Variants in PCDHA3 observed in about 807,000 individuals in gnomAD.
The protein encoded by PCDHA3 is protocadherin alpha 3, also known as protocadherin alpha-3.
Under a neutral mutation model 62.2 loss-of-function variants are expected in PCDHA3, and 41 were observed. That is an observed-to-expected ratio of 0.66 (90% CI 0.51 to 0.86). The LOEUF (loss-of-function observed/expected upper bound fraction) is 0.86. Among genes scored for constraint, PCDHA3 ranks in the 40% least tolerant of loss-of-function variants. The pLI is 0.00. For missense variants in PCDHA3, 1,304 were observed against 1,241.2 expected, an observed-to-expected ratio of 1.05 and a Z score of -0.76; for synonymous variants, 640 against 555.4, an observed-to-expected ratio of 1.15 and a Z score of -2.14.
chr5:140,834,254 G>A, intron 1 of PCDHA3: 1 of 927,246 alleles, frequency 1.1e-6, no homozygotes, highest in Non-Finnish European at 1.6e-6. Flanking sequence ...CTGGAAAGAC[G>A]CTCCACTCTC....
chr5:140,966,837 T>C, intron 1 of PCDHA3: 1 of 1,566,152 alleles, frequency 6.4e-7, no homozygotes. Context: ...CCCTGGCTGC[T>C]GCTACTGCCT....
At chr5:140,990,354 G>GA (rs1554251439) in intron 3 of PCDHA3, among the ~76,000 whole-genome samples, 1 of 152,158 alleles carries the variant, frequency 6.6e-6, no homozygotes, top group Non-Finnish European at 1.5e-5. Context: ...GCCCTGTACA[G>GA]AAAATCTAAT....
chr5:140,983,239 C>CCTGCTAAGTTGTGTAAAAAA (rs1261909895), intron 3 of PCDHA3, among the ~76,000 whole-genome samples: 1 of 152,176 alleles, frequency 6.6e-6, no homozygotes, highest in Non-Finnish European at 1.5e-5. Flanking sequence ...GGAAAGAGAA[C>CCTGCTAAGTTGTGTAAAAAA]CTGCTAAGTT....
At chr5:140,847,990 T>C (rs1781276116) in intron 1 of PCDHA3, 1 of 156,442 alleles carries the variant, frequency 6.4e-6, no homozygotes, top group South Asian at 1.8e-4. Flanking sequence ...AGATTCTGAA[T>C]TCCAGAACAA....
rs114930676 is a variant in PCDHA3 at position 140,999,076 on chromosome 5, C to G, written c.2543-10551C>G. ...CATGCCTAAGTAGTCTCCTTCACTT[C>G]CTCCTTCAGAGGGCTATGGAGAGTA... On this transcript the variant is annotated intron_variant, in intron 3 of 3. Transcript: ENST00000522353. Among the ~76,000 whole-genome samples the G allele has an allele frequency of 3.3e-3, 503 of 152,332 alleles. 4 individuals are homozygous for G. The highest frequency in any genetic ancestry group is 0.011 in the African/African-American group (469 of 41,568).
chr5:140,997,785 A>G (rs537383326), intron 3 of PCDHA3, among the ~76,000 whole-genome samples: 2 of 152,218 alleles, frequency 1.3e-5, no homozygotes, highest in Admixed American at 1.3e-4. Flanking sequence ...GTATACCTAT[A>G]TTATAATTTA....
At chr5:140,927,596 G>C in intron 1 of PCDHA3, 3 of 1,614,162 alleles carry the variant, frequency 1.9e-6, no homozygotes, top group Non-Finnish European at 2.5e-6. Flanking sequence ...GTATTTGAGC[G>C]CTCCGTATAC....
At chr5:140,822,061 C>T in intron 1 of PCDHA3, 1 of 1,614,168 alleles carries the variant, frequency 6.2e-7, no homozygotes. Context: ...GGAGCTGTGC[C>T]GGCGGAGGGC....
At chr5:140,838,077 AGTGTGTGTGTGTGTGTGTGTGTGTGT>A (rs57130401) in intron 1 of PCDHA3, among the ~76,000 whole-genome samples, 3 of 80,664 alleles carry the variant, frequency 3.7e-5, no homozygotes, top group South Asian at 4.3e-4. Context: ...ATATATATAT[AGTGTGTGTGTGTGTGTGTGTGTGTGT>A]GTGTGTGTGT....
At chr5:140,979,966 A>G (rs1029035910) in intron 2 of PCDHA3, among the ~76,000 whole-genome samples, 7 of 152,258 alleles carry the variant, frequency 4.6e-5, no homozygotes, top group Non-Finnish European at 7.3e-5. Context: ...TTAGCCCATT[A>G]AAATGCATTA....
At position 141,010,166 on chromosome 5, in the gene PCDHA3, A is replaced by T; in HGVS notation, c.*229A>T. 1 of 1,562,828 alleles carries T rather than the reference A, an allele frequency of 6.4e-7. No individual in the cohort carries two copies. On this transcript the variant is annotated 3_prime_UTR_variant, in exon 4 of 4. Coordinates refer to ENST00000522353, the MANE Select transcript of PCDHA3 (RefSeq NM_018906.3). ...TCTCTCCACTCTGGCTTGTTTTCAG[A>T]ACCTAAAAAGCAGACCCAAGTTTCC... is the stretch of plus-strand genomic sequence containing the variant.
chr5:140,941,597 G>T (rs2093124922), intron 1 of PCDHA3, among the ~76,000 whole-genome samples: 1 of 152,032 alleles, frequency 6.6e-6, no homozygotes, highest in Middle Eastern at 3.4e-3. Context: ...TTACAGCCAT[G>T]AGCCATGGTG....
chr5:140,811,770 A>T (rs1456844883), intron 1 of PCDHA3: 1 of 152,036 alleles, frequency 6.6e-6, no homozygotes, highest in Non-Finnish European at 1.5e-5. Flanking sequence ...GCATTTTTTC[A>T]TGTGTCTGTT....
intron 1 of PCDHA3, chr5:140,827,987 AT>A (rs1769477096): frequency 3.4e-6 from 5 of 1,461,712 alleles, no homozygotes; most frequent in Non-Finnish European, 4.6e-6. Context: ...TGACTGTTGA[AT>A]GATGGCGGAC....
intron 1 of PCDHA3, chr5:140,836,749 A>G (rs2150269159): frequency 6.3e-7 from 1 of 1,585,374 alleles, no homozygotes; most frequent in Middle Eastern, 1.7e-4. Context: ...GTGAGTCATA[A>G]ATAATCTTGT....
chr5:140,805,092 C>T, intron 1 of PCDHA3: 1 of 1,592,708 alleles, frequency 6.3e-7, no homozygotes, highest in East Asian at 2.2e-5. Context: ...TCCAGCTTGC[C>T]TCTTGAAACT....
intron 3 of PCDHA3, among the ~76,000 whole-genome samples, chr5:140,998,363 A>G (rs568271579): frequency 6.6e-6 from 1 of 152,316 alleles, no homozygotes; most frequent in Admixed American, 6.5e-5. Flanking sequence ...TAACCACTGC[A>G]CACACCGTCT....
rs782674659 is a variant in PCDHA3 at position 140,803,479 on chromosome 5, G to A, written c.2282G>A (p.Gly761Glu). 6.2e-7 allele frequency: 1 copy of A among 1,614,230 alleles called. No individual in the cohort carries two copies. The highest frequency in any genetic ancestry group is 8.5e-7 in the Non-Finnish European group (1 of 1,180,036). Residue 761 changes from glycine (G) to glutamate (E), a missense_variant, in exon 1 of 4, where the codon GGA (glycine) becomes GAA (glutamate). Transcript: ENST00000522353. ...SQQRQQRVCS[G>E]EGLPKTDLMA... The stretch of plus-strand genomic sequence containing the variant: ...CAGAGGCAGCAGAGGGTGTGCTCTG[G>A]AGAGGGGTTGCCCAAGACCGACCTC...
chr5:140,833,054 T>C (rs1193790961), intron 1 of PCDHA3, among the ~76,000 whole-genome samples: 1 of 152,118 alleles, frequency 6.6e-6, no homozygotes. Context: ...AGAAAAGTAA[T>C]ATGAGAAAAA....
Sources: gnomAD v4.1 joint callset for allele counts (sites outside exome capture counted in the v4.1 genomes callset) on GRCh38, gnomAD v4.1.1 for gene constraint, MANE v1.5 for transcripts, NCBI Gene and HGNC (gene_info 2026-07-23, HGNC 2026-07-21) for gene names.